ARHGAP42: variants seen among roughly 807,000 people sequenced by gnomAD.
ARHGAP42 encodes Rho GTPase activating protein 42, also known as rho GTPase-activating protein 42.
A neutral mutation model predicts 125.0 loss-of-function variants in ARHGAP42; 63 were observed. That is an observed-to-expected ratio of 0.50 (90% CI 0.41 to 0.62). ARHGAP42 has a LOEUF of 0.62. Ranked by LOEUF, ARHGAP42 falls within the 20% of genes least tolerant of loss-of-function variation. ARHGAP42 has a pLI of 0.00. For synonymous variants in ARHGAP42, 339 were observed against 351.0 expected, an observed-to-expected ratio of 0.97 and a Z score of 0.38; for missense variants, 766 against 1,024.2, an observed-to-expected ratio of 0.75 and a Z score of 3.44.
chr11:100,696,439 C>T (rs755883341), intron 1 of ARHGAP42, among the ~76,000 whole-genome samples: 5 of 150,658 alleles, frequency 3.3e-5, no homozygotes, highest in East Asian at 2.0e-4. Context: ...CTGCAACTTC[C>T]GCCTCCCGGG....
At chr11:100,736,006 C>G (rs1447634912) in intron 1 of ARHGAP42, among the ~76,000 whole-genome samples, 2 of 152,082 alleles carry the variant, frequency 1.3e-5, no homozygotes, top group Non-Finnish European at 2.9e-5. Context: ...GTTCAGAAAT[C>G]AAGAGAGTAA....
intron 4 of ARHGAP42, among the ~76,000 whole-genome samples, chr11:100,867,812 G>A (rs1466258267): frequency 6.6e-6 from 1 of 152,106 alleles, no homozygotes; most frequent in African/African-American, 2.4e-5. Flanking sequence ...TCTAGCTTTT[G>A]ATTTGAAATG....
intron 22 of ARHGAP42, among the ~76,000 whole-genome samples, chr11:100,982,801 A>T (rs1279203184): frequency 6.6e-6 from 1 of 152,170 alleles, no homozygotes; most frequent in Non-Finnish European, 1.5e-5. Flanking sequence ...TTTGCTTAGA[A>T]TTACAAAGGA....
chr11:100,871,047 C>T (rs1273027235), intron 4 of ARHGAP42, among the ~76,000 whole-genome samples: 4 of 151,866 alleles, frequency 2.6e-5, no homozygotes, highest in African/African-American at 9.7e-5. Context: ...ATTGTACCAG[C>T]ATTTGAATTT....
rs552352555 is a variant in ARHGAP42 at position 100,689,751 on chromosome 11, C to T, written c.154+1919C>T. 3.3e-5 allele frequency among the ~76,000 whole-genome samples: 5 copies of T among 152,166 alleles called. No homozygotes were observed. In the South Asian group the frequency reaches 8.3e-4, roughly 25 times the overall value. On this transcript the variant is annotated intron_variant, in intron 1 of 23. Coordinates refer to ENST00000298815, the MANE Select transcript of ARHGAP42 (RefSeq NM_152432.4). Reference sequence around the variant, plus strand: ...GGTGAGAGTGTATTACTTTAACTAACGTTTGATTATTACTTCTTTCATTGT... The same window carrying T: ...GGTGAGAGTGTATTACTTTAACTAATGTTTGATTATTACTTCTTTCATTGT...
At chr11:100,922,270 A>C (rs1434490099) in intron 6 of ARHGAP42, among the ~76,000 whole-genome samples, 4 of 152,098 alleles carry the variant, frequency 2.6e-5, no homozygotes, top group African/African-American at 9.7e-5. Context: ...TTTCCTATGA[A>C]GTCATTTATT....
At chr11:100,779,539 CGT>C (rs1491528248) in intron 2 of ARHGAP42, among the ~76,000 whole-genome samples, 4 of 130,168 alleles carry the variant, frequency 3.1e-5, no homozygotes, top group African/African-American at 1.2e-4. Flanking sequence ...CGTATATATA[CGT>C]ATATATATAC....
Position 100,973,347 on chromosome 11 carries a change from T to C in ARHGAP42, c.1710+13T>C, listed in dbSNP as rs746152440. The C allele has an allele frequency of 6.5e-7, 1 of 1,548,064 alleles. No individual in the cohort carries two copies. Among genetic ancestry groups the C allele is most frequent in the South Asian group, 1.2e-5 (1 of 83,056 alleles). On this transcript the variant is annotated intron_variant, in intron 18 of 23. Coordinates refer to ENST00000298815, the MANE Select transcript of ARHGAP42 (RefSeq NM_152432.4). ...GCACTATGAAAAGGTAGGCGGAATTTTCATGTGGAAGTGTCAAGTTTTATA... is the reference window on the plus strand; with the variant it reads ...GCACTATGAAAAGGTAGGCGGAATTCTCATGTGGAAGTGTCAAGTTTTATA...
At chr11:100,722,295 G>A (rs1861773341) in intron 1 of ARHGAP42, among the ~76,000 whole-genome samples, 1 of 150,648 alleles carries the variant, frequency 6.6e-6, no homozygotes, top group African/African-American at 2.4e-5. Flanking sequence ...CTGGGTTGTT[G>A]TTTTTCTTAT....
chr11:100,843,725 A>G (rs1218931405), intron 3 of ARHGAP42, among the ~76,000 whole-genome samples: 1 of 152,124 alleles, frequency 6.6e-6, no homozygotes, highest in Non-Finnish European at 1.5e-5. Flanking sequence ...AAAAATGCTT[A>G]GGAATATATC....
intron 2 of ARHGAP42, among the ~76,000 whole-genome samples, chr11:100,779,551 C>CAT (rs1554996534): frequency 0.014 from 1,724 of 126,878 alleles, 82 homozygotes; most frequent in African/African-American, 0.05. Flanking sequence ...TATATATATA[C>CAT]ATATACATAC....
rs199984732 is a variant in ARHGAP42 at position 100,818,756 on chromosome 11, T to TTTTG, written c.312+23618_312+23621dup. Among the ~76,000 whole-genome samples, 370 of 152,186 alleles carry TTTTG rather than the reference T, an allele frequency of 2.4e-3. 4 individuals are homozygous for TTTTG. The highest frequency in any genetic ancestry group is 5.8e-3 in the African/African-American group (240 of 41,526). On this transcript the variant is annotated intron_variant, in intron 3 of 23. Coordinates refer to ENST00000298815, the MANE Select transcript of ARHGAP42 (RefSeq NM_152432.4). The stretch of plus-strand genomic sequence containing the variant: ...GTGGTACGGTGTATTTTTTCTCTGT[T>TTTTG]TTTGTTTGTTTGTTTGTTTGTTTGT...
chr11:100,778,734 A>G (rs1863194383), intron 2 of ARHGAP42, among the ~76,000 whole-genome samples: 1 of 152,166 alleles, frequency 6.6e-6, no homozygotes. Flanking sequence ...GAAGCACTTT[A>G]TTTGACTTAA....
intron 4 of ARHGAP42, among the ~76,000 whole-genome samples, chr11:100,890,941 G>T (rs1252396986): frequency 6.6e-6 from 1 of 152,160 alleles, no homozygotes; most frequent in Non-Finnish European, 1.5e-5. Context: ...GGCATTTCAC[G>T]CCTGTGAGGT....
chr11:100,689,895 C>T (rs927013895), intron 1 of ARHGAP42, among the ~76,000 whole-genome samples: 3 of 152,034 alleles, frequency 2.0e-5, no homozygotes, highest in African/African-American at 7.2e-5. Flanking sequence ...TTTTTCGTAC[C>T]AAGCCACCTT....
intron 3 of ARHGAP42, among the ~76,000 whole-genome samples, chr11:100,798,847 A>AT (rs1186732011): frequency 6.6e-6 from 1 of 152,148 alleles, no homozygotes. Flanking sequence ...TTCTGAACTG[A>AT]TAAGAGAAAG....
chr11:100,904,211 A>G (rs893024822), intron 4 of ARHGAP42, among the ~76,000 whole-genome samples: 1 of 151,780 alleles, frequency 6.6e-6, no homozygotes, highest in African/African-American at 2.4e-5. Flanking sequence ...CATTACAAAT[A>G]TCGAACACCC....
chr11:100,946,820 C>T (rs536071213), intron 10 of ARHGAP42, among the ~76,000 whole-genome samples: 9 of 152,070 alleles, frequency 5.9e-5, no homozygotes, highest in South Asian at 2.1e-4. Context: ...TACAGAGACA[C>T]GATGTGAGCA....
chr11:100,886,579 A>G (rs556770933), intron 4 of ARHGAP42, among the ~76,000 whole-genome samples: 1 of 152,350 alleles, frequency 6.6e-6, no homozygotes, highest in South Asian at 2.1e-4. Context: ...ATCACAAAGA[A>G]TTAGCTTTTG....
Sources: gnomAD v4.1 joint callset for allele counts (sites outside exome capture counted in the v4.1 genomes callset) on GRCh38, gnomAD v4.1.1 for gene constraint, MANE v1.5 for transcripts, NCBI Gene and HGNC (gene_info 2026-07-23, HGNC 2026-07-21) for gene names.